Variants in ATP7B observed in about 807,000 individuals in gnomAD.
ATP7B encodes the protein copper-transporting ATPase 2.
Under a neutral mutation model 118.9 loss-of-function variants are expected in ATP7B, and 113 were observed. The ratio of observed to expected loss-of-function variants is 0.95; its 90% confidence interval spans 0.82 to 1.11. The LOEUF (loss-of-function observed/expected upper bound fraction) is 1.11. ATP7B is among the 50% of genes most tolerant of loss of function. ATP7B has a pLI of 0.00. For synonymous variants in ATP7B, 777 were observed against 727.4 expected, an observed-to-expected ratio of 1.07 and a Z score of -1.10; for missense variants, 1,867 against 1,871.4, an observed-to-expected ratio of 1.00 and a Z score of 0.04.
chr13:51,981,556 A>T (rs1174021788), intron 1 of ATP7B, among the ~76,000 whole-genome samples: 2 of 152,314 alleles, frequency 1.3e-5, no homozygotes, highest in Non-Finnish European at 2.9e-5. Context: ...TGGATGCCAC[A>T]AATTCACAGG....
chr13:51,949,282 A>G (rs1342674776), intron 12 of ATP7B, among the ~76,000 whole-genome samples: 1 of 152,192 alleles, frequency 6.6e-6, no homozygotes, highest in Admixed American at 6.5e-5. Context: ...ATCAAAAGAT[A>G]TTTTTCTTAA....
intron 1 of ATP7B, among the ~76,000 whole-genome samples, chr13:52,006,868 C>T (rs182186782): frequency 6.6e-6 from 1 of 152,306 alleles, no homozygotes; most frequent in Non-Finnish European, 1.5e-5. Context: ...CACTCGAGCA[C>T]CACCTCCCAC....
intron 2 of ATP7B, among the ~76,000 whole-genome samples, chr13:51,971,514 C>T (rs961162819): frequency 5.3e-5 from 8 of 152,224 alleles, no homozygotes; most frequent in South Asian, 2.1e-4. Flanking sequence ...AAGTTCAGTG[C>T]TAATTTCTTT....
chr13:51,946,482 A>C lies in ATP7B; in HGVS notation c.2866-4T>G, dbSNP rs765102482. 11 of 1,614,144 alleles carry C rather than the reference A, an allele frequency of 6.8e-6. No individual in the cohort carries two copies. Among genetic ancestry groups the C allele is most frequent in the Non-Finnish European group, 9.3e-6 (11 of 1,180,008 alleles). ...GGGAGATGTGCTTGTTGGGGTTCTGAAAACAGGACAGAGTCAGAGGCAGGT... is the reference window on the plus strand; with the variant it reads ...GGGAGATGTGCTTGTTGGGGTTCTGCAAACAGGACAGAGTCAGAGGCAGGT... On this transcript the variant is annotated splice_polypyrimidine_tract_variant and splice_region_variant and intron_variant, in intron 12 of 20. Coordinates refer to ENST00000242839, the MANE Select transcript of ATP7B (RefSeq NM_000053.4).
chr13:51,999,378 AG>A (rs1953377957), intron 1 of ATP7B, among the ~76,000 whole-genome samples: 1 of 152,196 alleles, frequency 6.6e-6, no homozygotes, highest in African/African-American at 2.4e-5. Context: ...CTAGCTCAGC[AG>A]GACTTTCATA....
intron 1 of ATP7B, among the ~76,000 whole-genome samples, chr13:52,000,065 CA>C (rs1197979691): frequency 6.6e-6 from 1 of 152,186 alleles, no homozygotes; most frequent in Admixed American, 6.5e-5. Flanking sequence ...CCAAGTGCTG[CA>C]GTGGCCCCCA....
chr13:51,975,248 A>G, intron 1 of ATP7B, 80 bp from the exon 2 acceptor site: 1 of 1,554,816 alleles, frequency 6.4e-7, no homozygotes, highest in Non-Finnish European at 8.9e-7. Flanking sequence ...GGCACTGAGA[A>G]AATGGAAAAC....
At chr13:51,936,131 G>A (rs1448262973) in intron 19 of ATP7B, among the ~76,000 whole-genome samples, 1 of 152,186 alleles carries the variant, frequency 6.6e-6, no homozygotes. Context: ...CGCCTCCAGG[G>A]CTTCATGACA....
At chr13:51,997,060 T>C (rs750979393) in intron 1 of ATP7B, among the ~76,000 whole-genome samples, 6 of 152,224 alleles carry the variant, frequency 3.9e-5, no homozygotes, top group African/African-American at 1.4e-4. Context: ...TGGGAGCCCA[T>C]GTAAATACAT....
At chr13:51,992,206 T>G (rs1593845375) in intron 1 of ATP7B, among the ~76,000 whole-genome samples, 1 of 152,234 alleles carries the variant, frequency 6.6e-6, no homozygotes, top group Non-Finnish European at 1.5e-5. Context: ...TTAAATGTTT[T>G]ATTCATAGCA....
At position 51,950,155 on chromosome 13, in the gene ATP7B, G is replaced by C; in HGVS notation, c.2582C>G (p.Ala861Gly). The C allele has an allele frequency of 6.2e-7, 1 of 1,614,156 alleles. No homozygotes were observed. The highest frequency in any genetic ancestry group is 8.5e-7 in the Non-Finnish European group (1 of 1,180,032). ...TCCGGGTTTCTTAGTGACTGGCATGGCTTCTCCTAGACGTAGGAAAGAGAC... is the reference window on the plus strand; with the variant it reads ...TCCGGGTTTCTTAGTGACTGGCATGCCTTCTCCTAGACGTAGGAAAGAGAC... Reference protein sequence around the residue: ...MADESLITGEAMPVTKKPGST... With the variant: ...MADESLITGEGMPVTKKPGST... The change falls in exon 11 of 21, where the codon GCC becomes GGC. Residue 861 changes from alanine (A) to glycine (G), a missense_variant. Physicochemically the swap from Ala to Gly is moderately conservative, Grantham distance 60. Transcript: ENST00000242839.
rs1651011598 is a variant in ATP7B at position 51,960,286 on chromosome 13, G to A, written c.1983C>T (p.Gly661=). Residue 661 remains glycine (G), a synonymous_variant, in exon 7 of 21, where the codon GGC becomes GGT. Coordinates refer to ENST00000242839, the MANE Select transcript of ATP7B (RefSeq NM_000053.4). ...AGATCATTAAGGCCATGACAGGGAT[G>A]CCAAACACCAGGCTGCACAGGAAAG... ...KKSFLCSLVF[G]IPVMALMIYM... is the part of the protein sequence containing the mutation. 6.2e-7 allele frequency: 1 copy of A among 1,613,856 alleles called. No individual in the cohort carries two copies. The highest frequency in any genetic ancestry group is 8.5e-7 in the Non-Finnish European group (1 of 1,179,850).
chr13:51,987,931 G>T (rs576741577), intron 1 of ATP7B, among the ~76,000 whole-genome samples: 70 of 152,070 alleles, frequency 4.6e-4, no homozygotes, highest in Non-Finnish European at 9.6e-4. Flanking sequence ...AAACTTAAAC[G>T]TAAGACCTAA....
chr13:52,009,923 G>C (rs576766760), intron 1 of ATP7B, among the ~76,000 whole-genome samples: 3 of 152,268 alleles, frequency 2.0e-5, no homozygotes, highest in African/African-American at 7.2e-5. Context: ...AGTGCACATA[G>C]AGGGATATGA....
At chr13:52,008,539 C>T (rs993183201) in intron 1 of ATP7B, among the ~76,000 whole-genome samples, 1 of 152,076 alleles carries the variant, frequency 6.6e-6, no homozygotes, top group South Asian at 2.1e-4. Flanking sequence ...AGAGCCCTCT[C>T]ATTAACAGAA....
At position 51,942,389 on chromosome 13, in the gene ATP7B, T is replaced by C. The variant is rs772880934; in HGVS notation, c.3409A>G (p.Lys1137Glu). 1 of 1,614,088 alleles carries C rather than the reference T, an allele frequency of 6.2e-7. No homozygotes were observed. The highest frequency in any genetic ancestry group is 8.5e-7 in the Non-Finnish European group (1 of 1,180,036). The change falls in exon 15 of 21, where the codon AAA becomes GAA. Residue 1137 changes from lysine (K) to glutamate (E), a missense_variant. Coordinates refer to ENST00000242839, the MANE Select transcript of ATP7B (RefSeq NM_000053.4). ...LNEAGSLPAE[K>E]DAVPQTFSVL... ...CAGAGACAAAAGCCAGCAATACCTT[T>C]TTCTGCGGGAAGGCTGCCAGCCTCA...
At chr13:51,994,878 T>G (rs1286386824) in intron 1 of ATP7B, among the ~76,000 whole-genome samples, 1 of 152,328 alleles carries the variant, frequency 6.6e-6, no homozygotes, top group South Asian at 2.1e-4. Context: ...TACAAAACGT[T>G]ATACTGTCTT....
intron 1 of ATP7B, among the ~76,000 whole-genome samples, chr13:51,982,519 T>C (rs531379959): frequency 1.8e-3 from 268 of 152,286 alleles, no homozygotes; most frequent in South Asian, 6.0e-3. Flanking sequence ...CAGGTTTAGA[T>C]ACAAGAAAGC....
intron 1 of ATP7B, among the ~76,000 whole-genome samples, chr13:51,977,548 C>T (rs959852096): frequency 1.3e-5 from 2 of 152,120 alleles, no homozygotes; most frequent in Non-Finnish European, 2.9e-5. Context: ...TTCTGGATAC[C>T]TCCTAGGACC....
Sources: allele counts gnomAD v4.1 joint callset (sites outside exome capture counted in the v4.1 genomes callset), GRCh38; gene constraint gnomAD v4.1.1; transcripts MANE v1.5; gene names NCBI Gene and HGNC (gene_info 2026-07-23, HGNC 2026-07-21).